The following TMCC1 variants were observed in gnomAD, a reference collection of about 807,000 sequenced individuals.
The protein encoded by TMCC1 is transmembrane and coiled-coil domains protein 1.
Under a neutral mutation model 52.4 loss-of-function variants are expected in TMCC1, and 15 were observed. The observed-to-expected ratio is 0.29, with a 90% CI of 0.19 to 0.44. The LOEUF (loss-of-function observed/expected upper bound fraction) is 0.44, where lower values mean the gene tolerates loss of function less well. Among genes scored for constraint, TMCC1 ranks in the 20% least tolerant of loss-of-function variants. The pLI, the probability that TMCC1 is intolerant of heterozygous loss-of-function variation, is 1.00. For missense variants in TMCC1, 503 were observed against 806.0 expected (o/e 0.62, Z 4.55); for synonymous variants, 279 against 301.9 (o/e 0.92, Z 0.79).
At chr3:129,712,622 A>C (rs1206577130) in intron 4 of TMCC1, among the ~76,000 whole-genome samples, 7 of 151,716 alleles carry the variant, frequency 4.6e-5, no homozygotes, top group Non-Finnish European at 1.5e-5. Flanking sequence ...TAATTAAAAA[A>C]ATTTTTTTTT....
At chr3:129,856,471 AAC>A (rs2060150857) in intron 2 of TMCC1, among the ~76,000 whole-genome samples, 1 of 152,188 alleles carries the variant, frequency 6.6e-6, no homozygotes, top group Non-Finnish European at 1.5e-5. Flanking sequence ...TTTTTTCAAA[AAC>A]ACTGCTCTAG....
chr3:129,846,795 G>A (rs910447952), intron 2 of TMCC1, among the ~76,000 whole-genome samples: 2 of 148,944 alleles, frequency 1.3e-5, no homozygotes, highest in Admixed American at 1.4e-4. Context: ...TTGGGATGCT[G>A]AGGCAGGAGG....
Position 129,726,893 on chromosome 3 carries a change from A to G in TMCC1, c.577-55629T>C, listed in dbSNP as rs1432984757. ...CAAAAAAAAAAAAAAAAAAAAAAAA[A>G]AAAAAGAACCACTGTTCAAACCAAA... On this transcript the variant is annotated intron_variant, in intron 4 of 6. Coordinates refer to ENST00000393238, the MANE Select transcript of TMCC1 (RefSeq NM_001017395.5). Among the ~76,000 whole-genome samples the G allele has an allele frequency of 4.2e-5, 6 of 144,462 alleles. No homozygotes were observed. The East Asian group carries it at 7.9e-4, about 19-fold the overall frequency. 94.8% of individuals were successfully genotyped at this position (144,462 alleles called of 152,430 possible). A position where few individuals can be genotyped will look rare whatever the true frequency, so the allele number is the denominator to read the frequency against.
intron 2 of TMCC1, among the ~76,000 whole-genome samples, chr3:129,863,865 G>GA (rs200097090): frequency 4.3e-4 from 64 of 148,508 alleles, no homozygotes; most frequent in African/African-American, 1.5e-3. Context: ...CTTATCTCAA[G>GA]AAAAAAAAAG....
intron 4 of TMCC1, among the ~76,000 whole-genome samples, chr3:129,792,164 CT>C (rs1224593553): frequency 6.7e-6 from 1 of 148,864 alleles, no homozygotes; most frequent in East Asian, 2.0e-4. Flanking sequence ...TCTGAAATTG[CT>C]GTTCAACTGT....
At chr3:129,740,536 C>G (rs1382831479) in intron 4 of TMCC1, among the ~76,000 whole-genome samples, 1 of 152,126 alleles carries the variant, frequency 6.6e-6, no homozygotes, top group Non-Finnish European at 1.5e-5. Context: ...TGGGAGTTCT[C>G]AACTCAACCA....
Position 129,690,702 on chromosome 3 carries a change from C to T in TMCC1, c.577-19438G>A, listed in dbSNP as rs75346227. 4.4e-3 allele frequency among the ~76,000 whole-genome samples: 676 copies of T among 152,254 alleles called. 1 individual carries two copies. The highest frequency in any genetic ancestry group is 7.6e-3 in the Non-Finnish European group (514 of 68,026). ...CTGAAGCATATGTTGAGACATGGTG[C>T]CATGGATCAAATCTGCTTTGATTGG... is the stretch of plus-strand genomic sequence containing the variant. On this transcript the variant is annotated intron_variant, in intron 4 of 6. Transcript: ENST00000393238.
At chr3:129,701,928 T>C (rs1215559973) in intron 4 of TMCC1, among the ~76,000 whole-genome samples, 1 of 152,052 alleles carries the variant, frequency 6.6e-6, no homozygotes, top group Non-Finnish European at 1.5e-5. Flanking sequence ...AAAACTTATT[T>C]CATAAAATAA....
intron 4 of TMCC1, among the ~76,000 whole-genome samples, chr3:129,674,950 C>A (rs1396505541): frequency 6.6e-6 from 1 of 152,174 alleles, no homozygotes; most frequent in Non-Finnish European, 1.5e-5. Flanking sequence ...AAGCGATTCT[C>A]CTGCCTCTTC....
chr3:129,693,386 C>T (rs181930592), intron 4 of TMCC1, among the ~76,000 whole-genome samples: 1 of 151,824 alleles, frequency 6.6e-6, no homozygotes, highest in East Asian at 1.9e-4. Context: ...AGTACCTTAT[C>T]TTTTATTCTC....
intron 4 of TMCC1, among the ~76,000 whole-genome samples, chr3:129,711,781 G>A (rs1216838554): frequency 7.5e-5 from 11 of 147,358 alleles, no homozygotes; most frequent in Non-Finnish European, 1.5e-4. Context: ...ACGAGGTCAG[G>A]AGTTCGAGAC....
intron 4 of TMCC1, among the ~76,000 whole-genome samples, chr3:129,748,258 G>A (rs1240209782): frequency 6.6e-6 from 1 of 152,102 alleles, no homozygotes; most frequent in Non-Finnish European, 1.5e-5. Context: ...GTTCTTGCCT[G>A]CTACATATGG....
chr3:129,723,555 C>CA (rs2049825791), intron 4 of TMCC1, among the ~76,000 whole-genome samples: 1 of 138,466 alleles, frequency 7.2e-6, no homozygotes, highest in African/African-American at 2.8e-5. Flanking sequence ...ACTGATTTTC[C>CA]AGTAACTATT....
At chr3:129,841,949 A>T (rs2059439657) in intron 2 of TMCC1, among the ~76,000 whole-genome samples, 1 of 152,212 alleles carries the variant, frequency 6.6e-6, no homozygotes, top group Non-Finnish European at 1.5e-5. Context: ...TAGATTACCC[A>T]GTCTCAGGTA....
At chr3:129,809,246 CA>C (rs11418962) in intron 4 of TMCC1, among the ~76,000 whole-genome samples, 2,765 of 91,366 alleles carry the variant, frequency 0.03, 52 homozygotes, top group African/African-American at 0.13. Flanking sequence ...GATTCCATCT[CA>C]AAAAAAAAAA....
intron 4 of TMCC1, among the ~76,000 whole-genome samples, chr3:129,672,833 T>C (rs1407108297): frequency 2.0e-5 from 3 of 152,182 alleles, no homozygotes; most frequent in African/African-American, 7.2e-5. Context: ...GTTTGAAATA[T>C]TTATGAAACG....
intron 2 of TMCC1, among the ~76,000 whole-genome samples, chr3:129,835,128 A>G (rs2059098562): frequency 6.6e-6 from 1 of 152,140 alleles, no homozygotes; most frequent in African/African-American, 2.4e-5. Flanking sequence ...TTTATGCCAC[A>G]ATAAAATGGA....
intron 4 of TMCC1, among the ~76,000 whole-genome samples, chr3:129,672,447 T>A (rs539481059): frequency 2.0e-5 from 3 of 151,822 alleles, no homozygotes; most frequent in South Asian, 2.1e-4. Context: ...ATTTTTTTTT[T>A]AAATTACACA....
rs143579630 is a variant in TMCC1, at chr3:129,817,085, T to C, written c.576+10718A>G. ...TAAGGTGATAGATATCCCAGTTACATTGATTTGATGTTTATGAGTTATATA... is the reference window on the plus strand; with the variant it reads ...TAAGGTGATAGATATCCCAGTTACACTGATTTGATGTTTATGAGTTATATA... On this transcript the variant is annotated intron_variant, in intron 4 of 6. Transcript: ENST00000393238. Among the ~76,000 whole-genome samples, 269 of 152,114 alleles carry C rather than the reference T, an allele frequency of 1.8e-3. 1 individual carries two copies. The highest frequency in any genetic ancestry group is 6.0e-3 in the African/African-American group (247 of 41,508).
Sources: allele counts gnomAD v4.1 joint callset (sites outside exome capture counted in the v4.1 genomes callset), GRCh38; gene constraint gnomAD v4.1.1; transcripts MANE v1.5; gene names NCBI Gene and HGNC (gene_info 2026-07-23, HGNC 2026-07-21).